The following KATNBL1 variants were observed in gnomAD, a reference collection of about 807,000 sequenced individuals.
KATNBL1 encodes the protein KATNB1-like protein 1.
A neutral mutation model predicts 44.7 loss-of-function variants in KATNBL1; 28 were observed. The ratio of observed to expected loss-of-function variants is 0.63; its 90% CI spans 0.46 to 0.86. The LOEUF (loss-of-function observed/expected upper bound fraction) is 0.86. KATNBL1 is among the 40% of genes least tolerant of loss of function. The pLI is 0.00. For missense variants in KATNBL1, 272 were observed against 350.7 expected, an observed-to-expected ratio of 0.78 and a Z score of 1.79; for synonymous variants, 78 against 114.9, an observed-to-expected ratio of 0.68 and a Z score of 2.06.
intron 1 of KATNBL1, among the ~76,000 whole-genome samples, chr15:34,192,544 C>G (rs916195900): frequency 6.6e-6 from 1 of 152,142 alleles, no homozygotes; most frequent in South Asian, 2.1e-4. Flanking sequence ...AATGGCATGT[C>G]TCTTGCTTTT....
At chr15:34,173,175 G>A (rs1215561643) in intron 1 of KATNBL1, among the ~76,000 whole-genome samples, 1 of 151,390 alleles carries the variant, frequency 6.6e-6, no homozygotes. Context: ...ATTTTAGAAA[G>A]AGTACAAGAC....
chr15:34,204,139 T>C (rs1890236169), intron 1 of KATNBL1, among the ~76,000 whole-genome samples: 1 of 151,778 alleles, frequency 6.6e-6, no homozygotes, highest in Non-Finnish European at 1.5e-5. Context: ...TCCACATTGC[T>C]AAGCAAGGAA....
chr15:34,167,979 A>G (rs994366349), intron 1 of KATNBL1, among the ~76,000 whole-genome samples: 3 of 152,214 alleles, frequency 2.0e-5, no homozygotes, highest in Non-Finnish European at 4.4e-5. Context: ...AGCCACTGCA[A>G]AAATATGCCA....
intron 1 of KATNBL1, among the ~76,000 whole-genome samples, chr15:34,200,976 C>T (rs562869549): frequency 6.6e-6 from 1 of 152,308 alleles, no homozygotes; most frequent in East Asian, 1.9e-4. Context: ...ACCACCACAC[C>T]TGGCTAATTT....
chr15:34,191,607 G>C (rs185416737), intron 1 of KATNBL1, among the ~76,000 whole-genome samples: 127 of 152,124 alleles, frequency 8.3e-4, no homozygotes, highest in African/African-American at 3.0e-3. Context: ...TAGTTGAATG[G>C]TAGTGTGGTT....
intron 1 of KATNBL1, among the ~76,000 whole-genome samples, chr15:34,176,370 C>T (rs924069742): frequency 2.6e-5 from 4 of 151,232 alleles, no homozygotes; most frequent in Non-Finnish European, 5.9e-5. Flanking sequence ...AAGAGTGAAA[C>T]TTCATCTCAA....
chr15:34,162,843 G>A (rs1345566024), intron 2 of KATNBL1, among the ~76,000 whole-genome samples: 3 of 151,882 alleles, frequency 2.0e-5, no homozygotes, highest in Non-Finnish European at 4.4e-5. Flanking sequence ...TGAACTCCTG[G>A]GTTCAAGCAA....
intron 1 of KATNBL1, among the ~76,000 whole-genome samples, chr15:34,181,022 T>C (rs780951823): frequency 6.6e-6 from 1 of 152,188 alleles, no homozygotes; most frequent in Non-Finnish European, 1.5e-5. Flanking sequence ...TAAATCACCA[T>C]AACAATTATT....
intron 8 of KATNBL1, 118 bp from the exon 9 acceptor site, chr15:34,145,609 A>G (rs1874398659): frequency 3.3e-6 from 3 of 918,386 alleles, no homozygotes; most frequent in Non-Finnish European, 4.3e-6. Context: ...TCAGGAGAAA[A>G]TGATGCTATT....
intron 1 of KATNBL1, among the ~76,000 whole-genome samples, chr15:34,186,288 G>A (rs148676810): frequency 5.5e-4 from 83 of 152,284 alleles, no homozygotes; most frequent in South Asian, 4.1e-3. Context: ...TGGGAGCCCC[G>A]CCCCTTCTGA....
At chr15:34,144,718 G>A (rs184908515) in intron 9 of KATNBL1, among the ~76,000 whole-genome samples, 18 of 151,894 alleles carry the variant, frequency 1.2e-4, no homozygotes, top group Middle Eastern at 6.8e-3. Context: ...TTACAGGCAC[G>A]TGCCATCACA....
intron 1 of KATNBL1, among the ~76,000 whole-genome samples, chr15:34,164,024 C>T (rs533655853): frequency 6.6e-6 from 1 of 152,238 alleles, no homozygotes; most frequent in Non-Finnish European, 1.5e-5. Context: ...TCCCAAGTAG[C>T]TGGGATTATA....
intron 1 of KATNBL1, among the ~76,000 whole-genome samples, chr15:34,196,588 C>T (rs1370796591): frequency 2.6e-5 from 4 of 151,936 alleles, no homozygotes; most frequent in East Asian, 3.9e-4. Flanking sequence ...ACCTGCCAGG[C>T]GTGGCGGCAG....
At position 34,159,020 on chromosome 15, in the gene KATNBL1, C is replaced by A. The variant is rs367634291; in HGVS notation, c.118-4336G>T. Among the ~76,000 whole-genome samples the A allele has an allele frequency of 1.1e-4, 17 of 152,330 alleles. No individual in the cohort carries two copies. In the East Asian group the frequency reaches 2.5e-3, roughly 22 times the overall value. Reference sequence around the variant, plus strand: ...TTATCAGTGGTTAGTGTTAAATCAACGCTCTCTAACAGGATAGCTTCGTAT... The same window carrying A: ...TTATCAGTGGTTAGTGTTAAATCAAAGCTCTCTAACAGGATAGCTTCGTAT... On this transcript the variant is annotated intron_variant, in intron 2 of 9. Transcript: ENST00000256544.
chr15:34,172,014 T>C (rs554864654), intron 1 of KATNBL1, among the ~76,000 whole-genome samples: 30 of 151,982 alleles, frequency 2.0e-4, no homozygotes, highest in Middle Eastern at 3.4e-3. Flanking sequence ...CAAACCAACA[T>C]GGCACATGTA....
chr15:34,150,941 G>T (rs80203313), intron 4 of KATNBL1, among the ~76,000 whole-genome samples: 17,092 of 152,090 alleles, frequency 0.11, 1,146 homozygotes, highest in Non-Finnish European at 0.15. Context: ...ACATGATCTT[G>T]TTCTTTTTAT....
In KATNBL1 at chr15:34,192,513, G is replaced by C. The variant is rs183829574; in HGVS notation, c.-15+17438C>G. 3.9e-3 allele frequency among the ~76,000 whole-genome samples: 593 copies of C among 152,256 alleles called. 6 individuals carry two copies. Among genetic ancestry groups the C allele is most frequent in the African/African-American group, 0.014 (574 of 41,552 alleles). On this transcript the variant is annotated intron_variant, in intron 1 of 9. Coordinates refer to ENST00000256544, the MANE Select transcript of KATNBL1 (RefSeq NM_024713.3). ...GGGAGACATACATATTTACGGCAAT[G>C]CTCTGCAATGATACAGAGAAAATGG...
At chr15:34,208,334 C>T (rs1008742961) in intron 1 of KATNBL1, among the ~76,000 whole-genome samples, 1 of 152,168 alleles carries the variant, frequency 6.6e-6, no homozygotes, top group African/African-American at 2.4e-5. Flanking sequence ...GGTCTACCAC[C>T]CTGTTGGGCA....
At chr15:34,178,572 C>A (rs749793919) in intron 1 of KATNBL1, among the ~76,000 whole-genome samples, 23 of 150,182 alleles carry the variant, frequency 1.5e-4, no homozygotes, top group South Asian at 2.1e-4. Flanking sequence ...CCTGGCTAAC[C>A]CGGTGAAACC....
Sources: gnomAD v4.1 joint callset for allele counts (sites outside exome capture counted in the v4.1 genomes callset) on GRCh38, gnomAD v4.1.1 for gene constraint, MANE v1.5 for transcripts, NCBI Gene and HGNC (gene_info 2026-07-23, HGNC 2026-07-21) for gene names.